Variants in MACROD1 observed in about 807,000 individuals in gnomAD.
MACROD1 encodes the protein mono-ADP ribosylhydrolase 1.
In MACROD1, 31 loss-of-function variants were observed where a neutral mutation model predicts 41.4. That is an observed-to-expected ratio of 0.75 (90% CI 0.56 to 1.01). The LOEUF (loss-of-function observed/expected upper bound fraction) is 1.01. Ranked by LOEUF, MACROD1 falls within the 50% of genes least tolerant of loss-of-function variation. The probability of loss-of-function intolerance (pLI) is 0.00; values close to 1 mark genes in which losing one functional copy is unlikely to be tolerated. For missense variants in MACROD1, 473 were observed against 460.0 expected (o/e 1.03, Z -0.26); for synonymous variants, 252 against 203.4 (o/e 1.24, Z -2.03).
At chr11:64,079,407 G>C (rs943303267) in intron 3 of MACROD1, among the ~76,000 whole-genome samples, 1 of 152,106 alleles carries the variant, frequency 6.6e-6, no homozygotes, top group Non-Finnish European at 1.5e-5. Context: ...CGTTGGGGAT[G>C]GGGGGGTGTG....
At chr11:63,998,714 T>A (rs1942757886) in intron 10 of MACROD1, 27 bp from the exon 11 acceptor site, 1 of 1,409,862 alleles carries the variant, frequency 7.1e-7, no homozygotes, top group Admixed American at 3.0e-5. Flanking sequence ...GTCAGAGGTG[T>A]CTATGGGCGT....
intron 4 of MACROD1, chr11:64,001,531 C>T: frequency 1.4e-6 from 1 of 702,416 alleles, no homozygotes; most frequent in South Asian, 1.5e-5. Flanking sequence ...GTAGCTCACA[C>T]CCCTTTCTTT....
rs1361596879 is a variant in MACROD1, at chr11:64,090,473, T to TGGA, written c.517+60763_517+60765dup. Among the ~76,000 whole-genome samples the TGGA allele has an allele frequency of 2.6e-5, 4 of 151,590 alleles. No homozygotes were observed. Among genetic ancestry groups the TGGA allele is most frequent in the South Asian group, 4.2e-4 (2 of 4,774 alleles). ...ATAATTTACGAGGCAGCCCCTGAGG[T>TGGA]GGAGGAGGAGGAGGAGGCCAAATAA... On this transcript the variant is annotated intron_variant, in intron 3 of 10. Coordinates refer to ENST00000255681, the MANE Select transcript of MACROD1 (RefSeq NM_014067.4). The surrounding 1 kb of genome is among the most constrained non-coding windows in gnomAD (Gnocchi z 4.7).
At chr11:64,058,704 C>T (rs953715121) in intron 3 of MACROD1, among the ~76,000 whole-genome samples, 4 of 152,264 alleles carry the variant, frequency 2.6e-5, no homozygotes, top group Admixed American at 2.0e-4. Context: ...ATTTCCTGCT[C>T]CCTGGCCAGC....
At chr11:64,074,415 G>T (rs369707181) in intron 3 of MACROD1, among the ~76,000 whole-genome samples, 55 of 152,342 alleles carry the variant, frequency 3.6e-4, no homozygotes, top group Middle Eastern at 3.4e-3. Context: ...CTCCAGGGGT[G>T]TGGTCCACCC....
chr11:64,165,789 ACCG>A lies in MACROD1; in HGVS notation c.203_205del (p.Ala68del). 1 of 1,481,342 alleles carries A rather than the reference ACCG, an allele frequency of 6.8e-7. No individual in the cohort carries two copies. 91.8% of individuals were successfully genotyped at this position (1,481,342 alleles called of 1,614,324 possible). A position where few individuals can be genotyped will look rare whatever the true frequency, so the allele number is the denominator to read the frequency against. On this transcript the variant is annotated inframe_deletion, in exon 1 of 11. Transcript: ENST00000255681. ...AGTGCGCACCCCGGCTGTCCGCCCC[ACCG>A]CCGCCGCCCCCCACGCCCCAACTCC...
At chr11:64,026,610 C>T (rs1178147836) in intron 3 of MACROD1, among the ~76,000 whole-genome samples, 4 of 152,102 alleles carry the variant, frequency 2.6e-5, no homozygotes, top group Non-Finnish European at 4.4e-5. Flanking sequence ...TAAATTAGAT[C>T]GTGTCACTTC....
chr11:64,154,582 G>A (rs1945638040), intron 1 of MACROD1, among the ~76,000 whole-genome samples: 1 of 152,130 alleles, frequency 6.6e-6, no homozygotes, highest in African/African-American at 2.4e-5. Context: ...CCGGTCCTCT[G>A]GCCTCTCTCC....
intron 3 of MACROD1, among the ~76,000 whole-genome samples, chr11:64,040,695 C>T (rs113594930): frequency 0.01 from 1,579 of 152,218 alleles, 28 homozygotes; most frequent in African/African-American, 0.035. Context: ...CTGGGTGGAC[C>T]GAGAGCTATT....
intron 1 of MACROD1, among the ~76,000 whole-genome samples, chr11:64,154,909 G>A (rs973883556): frequency 2.0e-5 from 3 of 152,128 alleles, no homozygotes; most frequent in African/African-American, 4.8e-5. Context: ...AATAGAGATG[G>A]GGTTTCACCA....
At chr11:64,130,678 C>T (rs1945252381) in intron 3 of MACROD1, among the ~76,000 whole-genome samples, 1 of 152,144 alleles carries the variant, frequency 6.6e-6, no homozygotes, top group African/African-American at 2.4e-5. Flanking sequence ...AGGCATGCTT[C>T]CAGGACCCCC....
rs372480199 is a variant in MACROD1 at position 64,064,906 on chromosome 11, C to T, written c.518-49625G>A. 5.9e-5 allele frequency among the ~76,000 whole-genome samples: 9 copies of T among 152,266 alleles called. No homozygotes were observed. Among genetic ancestry groups the T allele is most frequent in the African/African-American group, 9.6e-5 (4 of 41,558 alleles). ...GAGTGCTTCCAGAGCCCACCTATGA[C>T]GTGCCAGGCAAGGCGGCAGGCAGGA... On this transcript the variant is annotated intron_variant, in intron 3 of 10. Transcript: ENST00000255681. This position sits in a 1 kb window ranked among gnomAD's most constrained non-coding sequence, Gnocchi z 4.5.
chr11:64,006,079 C>T (rs750536563), intron 4 of MACROD1, among the ~76,000 whole-genome samples: 8 of 152,226 alleles, frequency 5.3e-5, no homozygotes, highest in Non-Finnish European at 1.0e-4. Context: ...ATGGGGGAAA[C>T]TGAGTCTCTG....
intron 3 of MACROD1, among the ~76,000 whole-genome samples, chr11:64,114,658 G>A (rs1189426016): frequency 2.6e-5 from 4 of 151,572 alleles, no homozygotes; most frequent in African/African-American, 9.7e-5. Flanking sequence ...TGGATGAATG[G>A]ACAGGTGGAT....
At chr11:64,019,096 G>A (rs909565966) in intron 3 of MACROD1, among the ~76,000 whole-genome samples, 2 of 152,204 alleles carry the variant, frequency 1.3e-5, no homozygotes, top group Non-Finnish European at 2.9e-5. Flanking sequence ...GGGTGGGGGC[G>A]GGGCCTCCCG....
chr11:64,044,213 C>T (rs765773306), intron 3 of MACROD1, among the ~76,000 whole-genome samples: 80 of 151,762 alleles, frequency 5.3e-4, no homozygotes, highest in Non-Finnish European at 1.0e-3. Flanking sequence ...TTATATCACA[C>T]TTACTATGTA....
In MACROD1 at chr11:64,001,929, T is replaced by A. The variant is rs550424354; in HGVS notation, c.548-1586A>T. On this transcript the variant is annotated intron_variant, in intron 4 of 10. Coordinates refer to ENST00000255681, the MANE Select transcript of MACROD1 (RefSeq NM_014067.4). Reference sequence around the variant, plus strand: ...TCACATATCATTTAACCTCTCTGGGTCTCAGTTGCTCCATCTGGAAAATGG... The same window carrying A: ...TCACATATCATTTAACCTCTCTGGGACTCAGTTGCTCCATCTGGAAAATGG... 26 of 603,194 alleles carry A rather than the reference T, an allele frequency of 4.3e-5. No homozygotes were observed. The Admixed American group carries it at 4.4e-4, about 10-fold the overall frequency. The allele number at this position is 603,194 out of a possible 1,614,324, so 37.4% of individuals were successfully genotyped here. A position where few individuals can be genotyped will look rare whatever the true frequency, so the allele number is the denominator to read the frequency against.
At position 64,151,292 on chromosome 11, in the gene MACROD1, G is replaced by A; in HGVS notation, c.464C>T (p.Ser155Phe). Residue 155 changes from serine to phenylalanine, a missense_variant, in exon 3 of 11, where the codon TCC (serine) becomes TTC (phenylalanine). By Grantham distance (155) the Ser-to-Phe change is radical. Coordinates refer to ENST00000255681, the MANE Select transcript of MACROD1 (RefSeq NM_014067.4). ...KKDKQLNEKI[S>F]LLRSDITKLE... ...CTTGGTGATGTCGCTGCGGAGCAGGGAGATTTTCTCATTGAGCTGCTTGTC... is the reference window on the plus strand; with the variant it reads ...CTTGGTGATGTCGCTGCGGAGCAGGAAGATTTTCTCATTGAGCTGCTTGTC... The A allele has an allele frequency of 6.2e-7, 1 of 1,613,970 alleles. No individual in the cohort carries two copies. Among genetic ancestry groups the A allele is most frequent in the East Asian group, 2.2e-5 (1 of 44,882 alleles).
In MACROD1 at chr11:64,082,216, G is replaced by T. The variant is rs1052856866; in HGVS notation, c.518-66935C>A. On this transcript the variant is annotated intron_variant, in intron 3 of 10. Coordinates refer to ENST00000255681, the MANE Select transcript of MACROD1 (RefSeq NM_014067.4). The surrounding 1 kb of genome is among the most constrained non-coding windows in gnomAD (Gnocchi z 4.5). ...GGCGCGAAACATCCCTTAAATATTG[G>T]TGCTCTCGGCAGCACTGGGCCCCTG... Among the ~76,000 whole-genome samples the T allele has an allele frequency of 6.6e-6, 1 of 152,154 alleles. No homozygotes were observed. Among genetic ancestry groups the T allele is most frequent in the African/African-American group, 2.4e-5 (1 of 41,424 alleles).
Sources: gnomAD v4.1 joint callset for allele counts (sites outside exome capture counted in the v4.1 genomes callset) on GRCh38, gnomAD v4.1.1 for gene constraint, Gnocchi (gnomAD v3.1) non-coding constraint, MANE v1.5 for transcripts, NCBI Gene and HGNC (gene_info 2026-07-23, HGNC 2026-07-21) for gene names.